The following PTPRT variants were observed in gnomAD, a reference collection of about 807,000 sequenced individuals.
PTPRT encodes receptor-type tyrosine-protein phosphatase T.
A neutral mutation model predicts 176.8 loss-of-function variants in PTPRT; 56 were observed. The observed-to-expected ratio is 0.32, with a 90% CI of 0.26 to 0.40. The LOEUF is 0.40. Among genes scored for constraint, PTPRT ranks in the 10% least tolerant of loss-of-function variants. The pLI is 1.00. For missense variants in PTPRT, 1,540 were observed against 1,908.2 expected (o/e 0.81, Z 3.60); for synonymous variants, 783 against 739.0 (o/e 1.06, Z -0.96).
intron 8 of PTPRT, among the ~76,000 whole-genome samples, chr20:42,449,057 G>A (rs536818129): frequency 6.6e-6 from 1 of 152,146 alleles, no homozygotes; most frequent in East Asian, 1.9e-4. Context: ...TCTTCACTCT[G>A]CCAAGTTTTC....
intron 1 of PTPRT, among the ~76,000 whole-genome samples, chr20:43,180,908 C>T (rs1462780302): frequency 6.6e-6 from 1 of 152,122 alleles, no homozygotes; most frequent in East Asian, 1.9e-4. Flanking sequence ...GTGAGCTGAA[C>T]CTAGTGACTT....
intron 16 of PTPRT, among the ~76,000 whole-genome samples, chr20:42,170,927 T>TA (rs1990054774): frequency 6.6e-6 from 1 of 152,188 alleles, no homozygotes; most frequent in African/African-American, 2.4e-5. Context: ...TACAATTGTT[T>TA]AAATATTATT....
chr20:42,462,144 A>G (rs2071031955), intron 8 of PTPRT, among the ~76,000 whole-genome samples: 1 of 152,102 alleles, frequency 6.6e-6, no homozygotes, highest in Non-Finnish European at 1.5e-5. Context: ...TGAGAGCTGG[A>G]GGGAATTTCT....
intron 9 of PTPRT, among the ~76,000 whole-genome samples, chr20:42,368,186 G>A (rs997553053): frequency 3.9e-5 from 6 of 152,186 alleles, no homozygotes; most frequent in African/African-American, 7.2e-5. Flanking sequence ...CCTTCTGGGT[G>A]AGTGTGGGGA....
chr20:42,119,010 A>G lies in PTPRT; in HGVS notation c.2885-510T>C, dbSNP rs1987438781. Among the ~76,000 whole-genome samples, 9 of 111,634 alleles carry G rather than the reference A, an allele frequency of 8.1e-5. 1 individual carries two copies. In the Admixed American group the frequency reaches 9.4e-4, roughly 12 times the overall value. 73.2% of individuals were successfully genotyped at this position (111,634 alleles called of 152,430 possible). On this transcript the variant is annotated intron_variant, in intron 20 of 30. Transcript: ENST00000373187. ...TTCCTCTAGGGCCTCAACAGAAAGG[A>G]AGGAAAAAAAAAAAAAAAAAAAAAA...
At chr20:42,578,909 G>T (rs527835817) in intron 7 of PTPRT, among the ~76,000 whole-genome samples, 1 of 149,218 alleles carries the variant, frequency 6.7e-6, no homozygotes, top group South Asian at 2.1e-4. Flanking sequence ...TTTTGGGGGG[G>T]GGTCGGTTTT....
chr20:42,479,698 A>G (rs954309693), intron 7 of PTPRT, among the ~76,000 whole-genome samples: 2 of 152,222 alleles, frequency 1.3e-5, no homozygotes, highest in African/African-American at 4.8e-5. Flanking sequence ...CCAAAATCTG[A>G]AACTTTCTGA....
At chr20:42,114,270 C>T (rs1184578051) in intron 22 of PTPRT, among the ~76,000 whole-genome samples, 1 of 152,176 alleles carries the variant, frequency 6.6e-6, no homozygotes, top group Non-Finnish European at 1.5e-5. Context: ...CTCTGTGTCT[C>T]AGTTTCTTCA....
At chr20:42,873,880 G>A (rs1358643771) in intron 2 of PTPRT, among the ~76,000 whole-genome samples, 1 of 151,922 alleles carries the variant, frequency 6.6e-6, no homozygotes, top group Admixed American at 6.6e-5. Flanking sequence ...TACTAAACTG[G>A]GGAAAAAAGA....
chr20:42,946,511 A>G (rs987290097), intron 1 of PTPRT, among the ~76,000 whole-genome samples: 1 of 152,222 alleles, frequency 6.6e-6, no homozygotes, highest in Non-Finnish European at 1.5e-5. Context: ...ATCTGACCTC[A>G]CTGTGGCATC....
At chr20:43,129,581 A>G (rs528251894) in intron 1 of PTPRT, among the ~76,000 whole-genome samples, 5 of 144,352 alleles carry the variant, frequency 3.5e-5, no homozygotes, top group Admixed American at 2.1e-4. Flanking sequence ...CTGCTCCTCC[A>G]GCTCCACTCC....
At chr20:43,007,333 G>T (rs1487126516) in intron 1 of PTPRT, among the ~76,000 whole-genome samples, 1 of 152,144 alleles carries the variant, frequency 6.6e-6, no homozygotes, top group Non-Finnish European at 1.5e-5. Flanking sequence ...GATTTTAATG[G>T]TTCTCAGAAT....
chr20:42,735,298 C>T (rs886774295), intron 6 of PTPRT, among the ~76,000 whole-genome samples: 2 of 152,060 alleles, frequency 1.3e-5, no homozygotes, highest in African/African-American at 4.8e-5. Context: ...GAGAGGGAAA[C>T]GGCTTCAGCC....
intron 9 of PTPRT, among the ~76,000 whole-genome samples, chr20:42,359,838 C>T (rs1351870204): frequency 6.6e-6 from 1 of 152,204 alleles, no homozygotes; most frequent in Non-Finnish European, 1.5e-5. Context: ...GGGACCCATG[C>T]CCGTGGTTCC....
chr20:42,980,572 T>G (rs180701757), intron 1 of PTPRT, among the ~76,000 whole-genome samples: 1 of 152,336 alleles, frequency 6.6e-6, no homozygotes. Context: ...CTCTAAATGG[T>G]GACAGACTTC....
chr20:42,998,595 T>C (rs914660097), intron 1 of PTPRT, among the ~76,000 whole-genome samples: 2 of 152,194 alleles, frequency 1.3e-5, no homozygotes, highest in Non-Finnish European at 2.9e-5. Flanking sequence ...TTGAAAAGAA[T>C]AGGTGCTCAA....
chr20:42,111,520 C>A (rs983555016), intron 22 of PTPRT, among the ~76,000 whole-genome samples: 1 of 152,176 alleles, frequency 6.6e-6, no homozygotes, highest in Non-Finnish European at 1.5e-5. Context: ...AGAGAAATCC[C>A]AGAAGGCTTT....
At position 42,756,599 on chromosome 20, in the gene PTPRT, C is replaced by A; in HGVS notation, c.722G>T (p.Arg241Leu). The change falls in exon 6 of 31, where the codon CGT (arginine) becomes CTT (leucine). Residue 241 changes from arginine (R) to leucine (L), a missense_variant. Arg to Leu is a moderately radical substitution (Grantham distance 102). This residue lies in a region of PTPRT where 273 missense variants were observed against 432.1 expected (regional missense o/e 0.63). Transcript: ENST00000373187. Reference sequence around the variant, plus strand: ...TGAGAAGCGCCTGTGGTTGACCACACGGGTGACCATCAGGGCCGTGTCCCT... The same window carrying A: ...TGAGAAGCGCCTGTGGTTGACCACAAGGGTGACCATCAGGGCCGTGTCCCT... ...NGRDTALMVTRVVNHRRFSAT... is the reference protein window; with the variant it reads ...NGRDTALMVTLVVNHRRFSAT... 1 of 1,607,914 alleles carries A rather than the reference C, an allele frequency of 6.2e-7. No homozygotes were observed. Among genetic ancestry groups the A allele is most frequent in the Non-Finnish European group, 8.5e-7 (1 of 1,176,222 alleles).
chr20:42,594,895 T>C (rs1440933880), intron 7 of PTPRT, among the ~76,000 whole-genome samples: 1 of 152,288 alleles, frequency 6.6e-6, no homozygotes, highest in South Asian at 2.1e-4. Flanking sequence ...TGGGTTGGTG[T>C]ATGACGTGGG....
Sources: allele counts gnomAD v4.1 joint callset (sites outside exome capture counted in the v4.1 genomes callset), GRCh38; gene constraint gnomAD v4.1.1; regional missense constraint gnomAD v4.1.1; transcripts MANE v1.5; gene names NCBI Gene and HGNC (gene_info 2026-07-23, HGNC 2026-07-21).